KHDRBS2: variants seen among roughly 807,000 people sequenced by gnomAD.
KHDRBS2 encodes KH domain-containing, RNA-binding, signal transduction-associated protein 2.
KHDRBS2 carries 26 observed loss-of-function variants against 44.3 expected under a neutral mutation model. The observed-to-expected ratio is 0.59, with a 90% CI of 0.43 to 0.81. The LOEUF (loss-of-function observed/expected upper bound fraction) is 0.81, where lower values mean the gene tolerates loss of function less well. Among genes scored for constraint, KHDRBS2 ranks in the 40% least tolerant of loss-of-function variants. The pLI, the probability that KHDRBS2 is intolerant of heterozygous loss-of-function variation, is 0.00. For synonymous variants in KHDRBS2, 194 were observed against 151.1 expected, an observed-to-expected ratio of 1.28 and a Z score of -2.08; for missense variants, 476 against 433.1, an observed-to-expected ratio of 1.10 and a Z score of -0.88.
At chr6:62,203,465 C>T (rs1309435606) in intron 1 of KHDRBS2, among the ~76,000 whole-genome samples, 1 of 152,064 alleles carries the variant, frequency 6.6e-6, no homozygotes, top group Non-Finnish European at 1.5e-5. Context: ...TAAAAGACTT[C>T]TGTGTTTTTG....
the KHDRBS2 span, among the ~76,000 whole-genome samples, chr6:61,576,314 G>A: frequency 2.8e-5 from 4 of 144,616 alleles, no homozygotes; most frequent in African/African-American, 1.0e-4. Flanking sequence ...TTGATTAAGT[G>A]TATGCCTAGG....
At chr6:62,123,522 C>T (rs1808207317) in intron 2 of KHDRBS2, among the ~76,000 whole-genome samples, 1 of 152,148 alleles carries the variant, frequency 6.6e-6, no homozygotes, top group Admixed American at 6.6e-5. Flanking sequence ...AAACATGCCA[C>T]AAAATGTATC....
intron 1 of KHDRBS2, among the ~76,000 whole-genome samples, chr6:62,264,414 C>T (rs540861228): frequency 9.9e-5 from 15 of 151,846 alleles, no homozygotes; most frequent in Non-Finnish European, 1.9e-4. Flanking sequence ...TCTATGTACT[C>T]GAATATAGCA....
At chr6:62,060,951 C>A (rs1453233276) in intron 2 of KHDRBS2, among the ~76,000 whole-genome samples, 2 of 151,762 alleles carry the variant, frequency 1.3e-5, no homozygotes, top group Non-Finnish European at 2.9e-5. Flanking sequence ...ATGTTTTGAT[C>A]TTTGTTGGTT....
At chr6:62,059,223 T>G (rs1446621218) in intron 2 of KHDRBS2, among the ~76,000 whole-genome samples, 5 of 128,566 alleles carry the variant, frequency 3.9e-5, no homozygotes, top group African/African-American at 1.5e-4. Context: ...TTTTTTTTTT[T>G]TTTTTTTTTT....
chr6:62,128,682 CAGCTTGATA>C (rs1429614540), intron 2 of KHDRBS2, among the ~76,000 whole-genome samples: 3 of 140,486 alleles, frequency 2.1e-5, no homozygotes, highest in Non-Finnish European at 4.7e-5. Flanking sequence ...TTTTTTTGTT[CAGCTTGATA>C]AATTGAAGTC....
At chr6:61,743,942 C>T (rs921416249) in intron 6 of KHDRBS2, among the ~76,000 whole-genome samples, 1 of 151,940 alleles carries the variant, frequency 6.6e-6, no homozygotes, top group Non-Finnish European at 1.5e-5. Context: ...ATCCATGTCC[C>T]TACAAAGGAC....
chr6:61,918,494 A>G (rs1324800487), intron 4 of KHDRBS2, among the ~76,000 whole-genome samples: 1 of 151,840 alleles, frequency 6.6e-6, no homozygotes, highest in Non-Finnish European at 1.5e-5. Context: ...GAGATACACC[A>G]AAACATACTC....
rs1766228025 is a variant in KHDRBS2, at chr6:61,680,961, C to T, written c.*2G>A. ...AGGTGAGGTCACAGGTGGGAAGGAC[C>T]TTCAATATCTACCATAGGGGTGTTC... On this transcript the variant is annotated 3_prime_UTR_variant, in exon 9 of 9. Coordinates refer to ENST00000281156, the MANE Select transcript of KHDRBS2 (RefSeq NM_152688.4). The T allele has an allele frequency of 1.3e-6, 2 of 1,598,910 alleles. No individual in the cohort carries two copies. The highest frequency in any genetic ancestry group is 1.7e-6 in the Non-Finnish European group (2 of 1,168,110).
Position 62,177,304 on chromosome 6 carries a change from T to A in KHDRBS2, c.100A>T (p.Lys34Ter), listed in dbSNP as rs1262684003. 6.3e-7 allele frequency: 1 copy of A among 1,591,310 alleles called. No individual in the cohort carries two copies. The highest frequency in any genetic ancestry group is 1.7e-5 in the Admixed American group (1 of 57,972). The change falls in exon 2 of 9, where the codon AAG becomes TAG. Residue 34 changes from lysine (K) to a stop codon, truncating the protein, a stop_gained. Transcript: ENST00000281156. LOFTEE classifies it high-confidence loss of function. ...ASRLLAEEIE[K>*]FQGSDGKKED... ...TTTTTTCCATCAGAACCTTGAAACT[T>A]TTCAATTTCTGGAAGAAAATCACAA... is the stretch of plus-strand genomic sequence containing the variant.
At chr6:62,259,072 A>C (rs1837907069) in intron 1 of KHDRBS2, among the ~76,000 whole-genome samples, 2 of 152,100 alleles carry the variant, frequency 1.3e-5, no homozygotes, top group Non-Finnish European at 2.9e-5. Context: ...GCAAAAGAGG[A>C]TGTATTTCAA....
the KHDRBS2 span, among the ~76,000 whole-genome samples, chr6:61,608,943 G>A: frequency 6.6e-6 from 1 of 152,072 alleles, no homozygotes; most frequent in Non-Finnish European, 1.5e-5. Context: ...TAATCCTTTG[G>A]GTATATACCC....
intron 3 of KHDRBS2, among the ~76,000 whole-genome samples, chr6:61,995,662 A>G (rs1777034082): frequency 6.6e-6 from 1 of 151,918 alleles, no homozygotes; most frequent in Non-Finnish European, 1.5e-5. Flanking sequence ...GAATGTGGGG[A>G]CTCTGTAGTT....
intron 2 of KHDRBS2, among the ~76,000 whole-genome samples, chr6:62,067,496 C>A (rs1794009037): frequency 6.6e-6 from 1 of 151,334 alleles, no homozygotes; most frequent in Non-Finnish European, 1.5e-5. Flanking sequence ...CAGTCATGTA[C>A]CTCTACAGAT....
chr6:61,848,499 A>ACACG (rs1187987373), intron 6 of KHDRBS2, among the ~76,000 whole-genome samples: 1 of 60,446 alleles, frequency 1.7e-5, no homozygotes, highest in South Asian at 5.4e-4. Flanking sequence ...ATGTATATAT[A>ACACG]TATATATATA....
At chr6:61,713,101 G>A (rs1267973593) in intron 7 of KHDRBS2, among the ~76,000 whole-genome samples, 1 of 151,434 alleles carries the variant, frequency 6.6e-6, no homozygotes, top group Non-Finnish European at 1.5e-5. Flanking sequence ...GATGTCACAA[G>A]TAGTGATATG....
intron 4 of KHDRBS2, among the ~76,000 whole-genome samples, chr6:61,963,010 AT>A (rs1769100305): frequency 6.6e-6 from 1 of 152,064 alleles, no homozygotes; most frequent in African/African-American, 2.4e-5. Context: ...TTCTGTTTTT[AT>A]TTCTCACACT....
At chr6:62,116,049 A>G (rs1373457801) in intron 2 of KHDRBS2, among the ~76,000 whole-genome samples, 1 of 152,064 alleles carries the variant, frequency 6.6e-6, no homozygotes, top group African/African-American at 2.4e-5. Flanking sequence ...GACTTCAGAT[A>G]TTTCATCATC....
intron 6 of KHDRBS2, among the ~76,000 whole-genome samples, chr6:61,822,592 T>C (rs1447034568): frequency 6.6e-6 from 1 of 152,056 alleles, no homozygotes; most frequent in Non-Finnish European, 1.5e-5. Context: ...TTTCCATGAT[T>C]CTTAGGATGA....
Sources: gnomAD v4.1 joint callset for allele counts (sites outside exome capture counted in the v4.1 genomes callset) on GRCh38, gnomAD v4.1.1 for gene constraint, MANE v1.5 for transcripts, NCBI Gene and HGNC (gene_info 2026-07-23, HGNC 2026-07-21) for gene names.